CTNND2: variants seen among roughly 807,000 people sequenced by gnomAD.
The protein encoded by CTNND2 is catenin delta 2, also known as catenin delta-2.
Under a neutral mutation model 144.4 loss-of-function variants are expected in CTNND2, and 22 were observed. That is an observed-to-expected ratio of 0.15 (90% confidence interval 0.11 to 0.22). CTNND2 has a LOEUF of 0.22. Ranked by LOEUF, CTNND2 falls within the 10% of genes least tolerant of loss-of-function variation. The pLI is 1.00. For missense variants in CTNND2, 1,353 were observed against 1,618.8 expected (o/e 0.84, Z 2.82); for synonymous variants, 751 against 695.6 (o/e 1.08, Z -1.25).
At chr5:11,149,105 G>A (rs992020338) in intron 12 of CTNND2, among the ~76,000 whole-genome samples, 8 of 152,134 alleles carry the variant, frequency 5.3e-5, no homozygotes, top group African/African-American at 1.2e-4. Flanking sequence ...TGAGCAATGC[G>A]ACAGGCCACA....
intron 1 of CTNND2, among the ~76,000 whole-genome samples, chr5:11,863,779 A>G (rs1171460124): frequency 6.6e-6 from 1 of 152,214 alleles, no homozygotes; most frequent in Non-Finnish European, 1.5e-5. Context: ...TATTTAACAC[A>G]AGATAATAGG....
Position 11,110,940 on chromosome 5 carries a change from A to G in CTNND2, c.2381T>C (p.Leu794Pro), listed in dbSNP as rs779209020. The G allele has an allele frequency of 2.5e-6, 4 of 1,614,046 alleles. No homozygotes were observed. The African/African-American group carries it at 5.3e-5, about 22-fold the overall frequency. Residue 794 changes from leucine to proline, a missense_variant, in exon 14 of 22, where the codon CTC becomes CCC. This residue lies in a region of CTNND2 where 459 missense variants were observed against 674.3 expected (regional missense o/e 0.68). Coordinates refer to ENST00000304623, the MANE Select transcript of CTNND2 (RefSeq NM_001332.4). ...HMGTDELDGLLCGEANGKDAE... is the reference protein window; with the variant it reads ...HMGTDELDGLPCGEANGKDAE... ...ATCCTTGCCATTGGCCTCGCCACAG[A>G]GTAGCCCGTCCAGCTCGTCCGTGCC...
At chr5:11,008,964 C>T (rs1050054698) in intron 18 of CTNND2, among the ~76,000 whole-genome samples, 1 of 152,208 alleles carries the variant, frequency 6.6e-6, no homozygotes, top group African/African-American at 2.4e-5. Context: ...GACCATGGAG[C>T]CATGAACTTT....
intron 1 of CTNND2, among the ~76,000 whole-genome samples, chr5:11,823,819 G>C (rs902635776): frequency 6.6e-6 from 1 of 152,016 alleles, no homozygotes; most frequent in Non-Finnish European, 1.5e-5. Context: ...TATAAAATGT[G>C]AAGCTCAGCT....
intron 1 of CTNND2, among the ~76,000 whole-genome samples, chr5:11,783,140 C>T (rs1004423516): frequency 2.6e-5 from 4 of 152,130 alleles, no homozygotes; most frequent in South Asian, 2.1e-4. Flanking sequence ...GATCATGTGT[C>T]TAGCTCTTTC....
At chr5:11,881,903 T>C (rs953931598) in intron 1 of CTNND2, among the ~76,000 whole-genome samples, 2 of 152,040 alleles carry the variant, frequency 1.3e-5, no homozygotes, top group African/African-American at 4.8e-5. Flanking sequence ...TTTGTTATAT[T>C]TTTTCTTTTT....
At chr5:11,073,921 T>C (rs1196676609) in intron 16 of CTNND2, among the ~76,000 whole-genome samples, 1 of 152,252 alleles carries the variant, frequency 6.6e-6, no homozygotes, top group Non-Finnish European at 1.5e-5. Context: ...CCAAGTGTTC[T>C]AATAAAAACG....
chr5:11,739,376 G>A (rs548107569), intron 1 of CTNND2, among the ~76,000 whole-genome samples: 37 of 152,130 alleles, frequency 2.4e-4, no homozygotes, highest in African/African-American at 7.5e-4. Flanking sequence ...CTGAGTGACC[G>A]GCCATCAGCC....
intron 9 of CTNND2, among the ~76,000 whole-genome samples, chr5:11,262,022 A>G (rs1364299827): frequency 2.0e-5 from 3 of 152,154 alleles, no homozygotes; most frequent in East Asian, 3.9e-4. Context: ...TAATTTATCT[A>G]TTATAGAGAT....
intron 8 of CTNND2, among the ~76,000 whole-genome samples, chr5:11,354,015 G>A (rs574603861): frequency 3.9e-5 from 6 of 152,066 alleles, no homozygotes; most frequent in Admixed American, 2.0e-4. Flanking sequence ...TGAGGGGACC[G>A]AGCAAACTCA....
At chr5:11,320,737 A>C (rs879259959) in intron 9 of CTNND2, among the ~76,000 whole-genome samples, 1 of 152,126 alleles carries the variant, frequency 6.6e-6, no homozygotes, top group South Asian at 2.1e-4. Context: ...ACCCGCCCCC[A>C]TGATTCAATC....
chr5:11,722,825 C>A (rs986171047), intron 2 of CTNND2, among the ~76,000 whole-genome samples: 2 of 152,176 alleles, frequency 1.3e-5, no homozygotes, highest in Admixed American at 1.3e-4. Flanking sequence ...TTTGAGATGA[C>A]ATTTCGGTGA....
intron 2 of CTNND2, among the ~76,000 whole-genome samples, chr5:11,683,055 A>G (rs1284304990): frequency 6.6e-6 from 1 of 152,236 alleles, no homozygotes; most frequent in Non-Finnish European, 1.5e-5. Context: ...CCAGTCAATG[A>G]TGCATCGATT....
At chr5:11,519,903 C>A (rs1174956921) in intron 3 of CTNND2, among the ~76,000 whole-genome samples, 1 of 151,900 alleles carries the variant, frequency 6.6e-6, no homozygotes, top group East Asian at 1.9e-4. Context: ...CTTTGGGAGG[C>A]TGACACGGGC....
intron 12 of CTNND2, among the ~76,000 whole-genome samples, chr5:11,142,474 C>A (rs1056735445): frequency 6.6e-6 from 1 of 152,130 alleles, no homozygotes; most frequent in African/African-American, 2.4e-5. Flanking sequence ...GTGAGAGGAA[C>A]ACACCAGGAA....
At chr5:11,836,177 A>C (rs2126972424) in intron 1 of CTNND2, among the ~76,000 whole-genome samples, 1 of 152,306 alleles carries the variant, frequency 6.6e-6, no homozygotes, top group South Asian at 2.1e-4. Context: ...GGGCCACGTC[A>C]AGAACAGAGC....
intron 1 of CTNND2, among the ~76,000 whole-genome samples, chr5:11,789,419 T>C (rs1463636650): frequency 6.6e-6 from 1 of 152,184 alleles, no homozygotes; most frequent in Non-Finnish European, 1.5e-5. Flanking sequence ...TGAGCTTCTA[T>C]GAAATTTATC....
chr5:11,028,152 T>C (rs191437011), intron 16 of CTNND2, among the ~76,000 whole-genome samples: 155 of 152,268 alleles, frequency 1.0e-3, no homozygotes, highest in Non-Finnish European at 2.6e-4. Flanking sequence ...ATGGTCTTTG[T>C]TGTGCACCAT....
chr5:11,211,556 G>A (rs987894592), intron 10 of CTNND2, among the ~76,000 whole-genome samples: 1 of 152,190 alleles, frequency 6.6e-6, no homozygotes, highest in African/African-American at 2.4e-5. Context: ...GCGTGACTAC[G>A]ATTTGGGGCC....
Sources: gnomAD v4.1 joint callset for allele counts (sites outside exome capture counted in the v4.1 genomes callset) on GRCh38, gnomAD v4.1.1 for gene constraint, gnomAD v4.1.1 regional missense constraint, MANE v1.5 for transcripts, NCBI Gene and HGNC (gene_info 2026-07-23, HGNC 2026-07-21) for gene names.